The following ARHGAP18 variants were observed in gnomAD, a reference collection of about 807,000 sequenced individuals.
ARHGAP18 encodes rho GTPase-activating protein 18.
Under a neutral mutation model 86.2 loss-of-function variants are expected in ARHGAP18, and 67 were observed. That is an observed-to-expected ratio of 0.78 (90% CI 0.64 to 0.95). The LOEUF (loss-of-function observed/expected upper bound fraction) is 0.95, where lower values mean the gene tolerates loss of function less well. ARHGAP18 is among the 40% of genes least tolerant of loss of function. The pLI is 0.00. For synonymous variants in ARHGAP18, 283 were observed against 280.4 expected (o/e 1.01, Z -0.09); for missense variants, 691 against 780.4 (o/e 0.89, Z 1.37).
At chr6:129,709,211 T>C (rs1201958779) in intron 1 of ARHGAP18, among the ~76,000 whole-genome samples, 1 of 152,146 alleles carries the variant, frequency 6.6e-6, no homozygotes, top group Non-Finnish European at 1.5e-5. Flanking sequence ...TGCAATCTTC[T>C]AGGCCAATAT....
chr6:129,677,351 C>G (rs140396002), intron 1 of ARHGAP18, among the ~76,000 whole-genome samples: 1 of 152,104 alleles, frequency 6.6e-6, no homozygotes, highest in African/African-American at 2.4e-5. Flanking sequence ...CGAGATCGCA[C>G]CACTGCAGTC....
intron 13 of ARHGAP18, 125 bp downstream of exon 13, chr6:129,583,863 G>A (rs1251844663): frequency 1.7e-6 from 2 of 1,209,588 alleles, no homozygotes; most frequent in Non-Finnish European, 1.1e-6. Flanking sequence ...ATATTTTTAA[G>A]CATTTCATAC....
intron 12 of ARHGAP18, among the ~76,000 whole-genome samples, chr6:129,592,489 G>A (rs556239170): frequency 2.2e-4 from 33 of 152,152 alleles, no homozygotes; most frequent in Non-Finnish European, 3.7e-4. Flanking sequence ...AGCAAGTCAC[G>A]TAAGCTCTCT....
At chr6:129,697,082 C>T (rs1215983183) in intron 1 of ARHGAP18, among the ~76,000 whole-genome samples, 2 of 152,194 alleles carry the variant, frequency 1.3e-5, no homozygotes, top group Admixed American at 6.5e-5. Flanking sequence ...TCGAAATCCT[C>T]GCTCTGGGGT....
chr6:129,582,419 C>G (rs1399718302), intron 13 of ARHGAP18, among the ~76,000 whole-genome samples: 1 of 152,144 alleles, frequency 6.6e-6, no homozygotes, highest in Non-Finnish European at 1.5e-5. Context: ...TGTAAATTAA[C>G]TGTGTCTGGC....
chr6:129,639,192 GT>G (rs34203357), intron 2 of ARHGAP18, among the ~76,000 whole-genome samples: 30,005 of 151,972 alleles, frequency 0.2, 3,250 homozygotes, highest in Non-Finnish European at 0.24. Flanking sequence ...TTTTTACAAT[GT>G]TTTTTTAAAA....
chr6:129,634,151 A>G (rs1773281074), intron 3 of ARHGAP18, 46 bp from the exon 4 acceptor site: 1 of 1,532,310 alleles, frequency 6.5e-7, no homozygotes, highest in Admixed American at 1.7e-5. Context: ...ACTCAAAACC[A>G]GAGAAAATGG....
At chr6:129,607,447 A>G (rs1396573969) in intron 9 of ARHGAP18, among the ~76,000 whole-genome samples, 4 of 152,174 alleles carry the variant, frequency 2.6e-5, no homozygotes, top group Non-Finnish European at 5.9e-5. Context: ...TGACAACCTC[A>G]GAATTTAATT....
At chr6:129,597,322 G>C (rs1463856734) in intron 12 of ARHGAP18, among the ~76,000 whole-genome samples, 5 of 151,972 alleles carry the variant, frequency 3.3e-5, no homozygotes, top group Non-Finnish European at 4.4e-5. Context: ...TTTTAGCAGA[G>C]ATGAGGTTCC....
At chr6:129,683,282 A>G (rs1774358765) in intron 1 of ARHGAP18, among the ~76,000 whole-genome samples, 1 of 151,698 alleles carries the variant, frequency 6.6e-6, no homozygotes, top group Non-Finnish European at 1.5e-5. Flanking sequence ...CATGTTAGCC[A>G]GGATGGTCTC....
intron 1 of ARHGAP18, among the ~76,000 whole-genome samples, chr6:129,679,708 T>C (rs542423455): frequency 1.3e-5 from 2 of 152,368 alleles, no homozygotes; most frequent in Admixed American, 1.3e-4. Flanking sequence ...AGGGTCCTCC[T>C]GAACAAGTTG....
At position 129,581,355 on chromosome 6, in the gene ARHGAP18, C is replaced by G. The variant is rs116986805; in HGVS notation, c.1839-1224G>C. Among the ~76,000 whole-genome samples the G allele has an allele frequency of 3.6e-3, 552 of 152,314 alleles. 2 individuals carry two copies. Among genetic ancestry groups the G allele is most frequent in the Middle Eastern group, 0.01 (3 of 294 alleles). Reference sequence around the variant, plus strand: ...TCCACCTGCTGCACTGCATCTGATCCACTTTGTTTCCAACTACAGTGTAGG... The same window carrying G: ...TCCACCTGCTGCACTGCATCTGATCGACTTTGTTTCCAACTACAGTGTAGG... On this transcript the variant is annotated intron_variant, in intron 13 of 14. Transcript: ENST00000368149.
chr6:129,621,017 T>C (rs1017550003), intron 5 of ARHGAP18, among the ~76,000 whole-genome samples: 4 of 152,300 alleles, frequency 2.6e-5, no homozygotes, highest in Non-Finnish European at 5.9e-5. Flanking sequence ...ATACACTTAA[T>C]TTTCTTTAGA....
chr6:129,660,739 A>T (rs1038478131), intron 1 of ARHGAP18, among the ~76,000 whole-genome samples: 15 of 152,210 alleles, frequency 9.9e-5, no homozygotes, highest in African/African-American at 3.6e-4. Flanking sequence ...ACTGATCTAG[A>T]CATCTGGAAG....
intron 6 of ARHGAP18, among the ~76,000 whole-genome samples, chr6:129,617,868 T>C (rs1170901509): frequency 6.6e-6 from 1 of 152,176 alleles, no homozygotes; most frequent in African/African-American, 2.4e-5. Context: ...TGAATACTTG[T>C]CTTTGTGAAT....
intron 1 of ARHGAP18, among the ~76,000 whole-genome samples, chr6:129,644,238 G>A (rs1000191750): frequency 1.3e-4 from 20 of 151,976 alleles, no homozygotes; most frequent in African/African-American, 4.8e-4. Context: ...GGCCTCAATC[G>A]TCCTGTTTAC....
intron 1 of ARHGAP18, among the ~76,000 whole-genome samples, chr6:129,662,429 A>G (rs4341028): frequency 0.019 from 2,938 of 152,312 alleles, 60 homozygotes; most frequent in Non-Finnish European, 0.025. Flanking sequence ...CTTGCCTTAA[A>G]TTATGCTCCA....
intron 8 of ARHGAP18, 80 bp from the exon 9 acceptor site, chr6:129,608,132 A>C: frequency 7.0e-7 from 1 of 1,421,954 alleles, no homozygotes; most frequent in East Asian, 2.5e-5. Context: ...AGTATGACAC[A>C]TTTTCACTTT....
intron 1 of ARHGAP18, among the ~76,000 whole-genome samples, chr6:129,655,372 C>G (rs536850811): frequency 6.8e-6 from 1 of 148,130 alleles, no homozygotes; most frequent in South Asian, 2.2e-4. Context: ...GAAAACAGAG[C>G]CTGTAGAGAC....
Sources: allele counts gnomAD v4.1 joint callset (sites outside exome capture counted in the v4.1 genomes callset), GRCh38; gene constraint gnomAD v4.1.1; transcripts MANE v1.5; gene names NCBI Gene and HGNC (gene_info 2026-07-23, HGNC 2026-07-21).